Variants in ATAD3C observed in about 807,000 individuals in gnomAD.
ATAD3C encodes the protein ATPase family AAA domain containing 3C.
A neutral mutation model predicts 46.3 loss-of-function variants in ATAD3C; 38 were observed. The ratio of observed to expected loss-of-function variants is 0.82; its 90% CI spans 0.63 to 1.08. The LOEUF (loss-of-function observed/expected upper bound fraction) is 1.08, where lower values mean the gene tolerates loss of function less well. Ranked by LOEUF, ATAD3C falls within the 50% of genes least tolerant of loss-of-function variation. ATAD3C has a pLI of 0.00. For missense variants in ATAD3C, 563 were observed against 572.7 expected (o/e 0.98, Z 0.17); for synonymous variants, 220 against 236.4 (o/e 0.93, Z 0.63).
chr1:1,460,506 G>A (rs567613365), intron 9 of ATAD3C, among the ~76,000 whole-genome samples: 1 of 152,146 alleles, frequency 6.6e-6, no homozygotes, highest in East Asian at 1.9e-4. Context: ...CGGTCAGCGG[G>A]GAAGTACCAC....
Position 1,468,555 on chromosome 1 carries a change from G to C in ATAD3C, c.*25G>C. 1 of 1,591,234 alleles carries C rather than the reference G, an allele frequency of 6.3e-7. No homozygotes were observed. The highest frequency in any genetic ancestry group is 8.6e-7 in the Non-Finnish European group (1 of 1,167,920). On this transcript the variant is annotated 3_prime_UTR_variant, in exon 12 of 12. Transcript: ENST00000378785. Reference sequence around the variant, plus strand: ...AGTCCATGGGGAGACCACACCTCACGGAGCCTGGCCGCGGACCCCTCCCAC... The same window carrying C: ...AGTCCATGGGGAGACCACACCTCACCGAGCCTGGCCGCGGACCCCTCCCAC...
intron 4 of ATAD3C, among the ~76,000 whole-genome samples, chr1:1,454,736 T>C (rs903008150): frequency 3.3e-5 from 5 of 151,788 alleles, no homozygotes; most frequent in African/African-American, 1.2e-4. Flanking sequence ...TGATGGGGCC[T>C]GGGAGCACAT....
rs112077123 is a variant in ATAD3C at position 1,457,104 on chromosome 1, A to T, written c.690-25A>T. 1,083 of 1,612,428 alleles carry T rather than the reference A, an allele frequency of 6.7e-4. 26 individuals are homozygous for T. The highest frequency in any genetic ancestry group is 1.2e-3 in the African/African-American group (90 of 74,946). ...GCTGCTCCTGGCATCACTCTCACCC[A>T]GCTTGGCCTCCCTCTCGTCCACAGC... On this transcript the variant is annotated intron_variant, in intron 7 of 11. Coordinates refer to ENST00000378785, the MANE Select transcript of ATAD3C (RefSeq NM_001039211.3).
At position 1,450,349 on chromosome 1, in the gene ATAD3C, T is replaced by G; in HGVS notation, c.-335T>G. 1.2e-5 allele frequency: 3 copies of G among 245,568 alleles called. No individual in the cohort carries two copies. The highest frequency in any genetic ancestry group is 1.6e-5 in the Non-Finnish European group (2 of 127,298). The allele number at this position is 245,568 out of a possible 1,614,324, so 15.2% of individuals were successfully genotyped here. ...AAAAAAAAAAAAAAAAAAGCATGTG[T>G]AACGTGAAAAAATGGACACTTTAGC... On this transcript the variant is annotated 5_prime_UTR_variant, in exon 1 of 12. The change abolishes the stop of an existing upstream ORF in the 5' untranslated region. Coordinates refer to ENST00000378785, the MANE Select transcript of ATAD3C (RefSeq NM_001039211.3).
rs1413339732 is a variant in ATAD3C, at chr1:1,457,015, G to A, written c.690-114G>A. ...CCAGGACTTAGGGCTCCGTGGGGCAGAGCCTGACCCCGTGGGGATCTGCCT... is the reference window on the plus strand; with the variant it reads ...CCAGGACTTAGGGCTCCGTGGGGCAAAGCCTGACCCCGTGGGGATCTGCCT... On this transcript the variant is annotated intron_variant, in intron 7 of 11. Coordinates refer to ENST00000378785, the MANE Select transcript of ATAD3C (RefSeq NM_001039211.3). 2.1e-6 allele frequency: 3 copies of A among 1,455,028 alleles called. No homozygotes were observed. The Admixed American group carries it at 5.1e-5, about 25-fold the overall frequency. The allele number at this position is 1,455,028 out of a possible 1,614,324, so 90.1% of individuals were successfully genotyped here.
intron 9 of ATAD3C, 38 bp from the exon 10 acceptor site, chr1:1,460,712 G>A (rs1639041899): frequency 1.9e-6 from 3 of 1,559,382 alleles, no homozygotes; most frequent in East Asian, 4.7e-5. Flanking sequence ...AGCTCGGCCG[G>A]CAGCCCCAGC....
At chr1:1,458,098 C>A (rs1337270449) in intron 8 of ATAD3C, among the ~76,000 whole-genome samples, 2 of 151,590 alleles carry the variant, frequency 1.3e-5, no homozygotes, top group Admixed American at 1.3e-4. Flanking sequence ...CCTGCCTCAG[C>A]CCCCTGAGTA....
rs957111442 is a variant in ATAD3C, at chr1:1,463,007, C to T, written c.1089+299C>T. Among the ~76,000 whole-genome samples, 3 of 152,090 alleles carry T rather than the reference C, an allele frequency of 2.0e-5. 1 individual carries two copies. The highest frequency in any genetic ancestry group is 4.4e-5 in the Non-Finnish European group (3 of 68,000). On this transcript the variant is annotated intron_variant, in intron 11 of 11. Coordinates refer to ENST00000378785, the MANE Select transcript of ATAD3C (RefSeq NM_001039211.3). ...TGGGGCGGGAGGCTTCTGATGCTCACCTTGGCAGACAGGCACCCCCCAGTG... is the reference window on the plus strand; with the variant it reads ...TGGGGCGGGAGGCTTCTGATGCTCATCTTGGCAGACAGGCACCCCCCAGTG...
At chr1:1,457,615 C>CA (rs1041273067) in intron 8 of ATAD3C, among the ~76,000 whole-genome samples, 6 of 109,116 alleles carry the variant, frequency 5.5e-5, no homozygotes, top group Admixed American at 1.1e-4. Flanking sequence ...AAAAAAAAAA[C>CA]AAAAAAAACA....
At chr1:1,458,987 C>T (rs1317617464) in intron 8 of ATAD3C, among the ~76,000 whole-genome samples, 174 bp from the exon 9 acceptor site, 1 of 151,786 alleles carries the variant, frequency 6.6e-6, no homozygotes, top group Non-Finnish European at 1.5e-5. Flanking sequence ...TCCCAAAATC[C>T]AGGTTACATT....
chr1:1,467,842 C>T lies in ATAD3C; in HGVS notation c.1090-542C>T, dbSNP rs544870027. On this transcript the variant is annotated intron_variant, in intron 11 of 11. Transcript: ENST00000378785. Reference sequence around the variant, plus strand: ...GGACCTGAGGCTGCCTGAAGCCACACCAAGGGCCACAGCCCCAGCAGCTCC... The same window carrying T: ...GGACCTGAGGCTGCCTGAAGCCACATCAAGGGCCACAGCCCCAGCAGCTCC... Among the ~76,000 whole-genome samples the T allele has an allele frequency of 1.9e-3, 289 of 152,162 alleles. 5 individuals are homozygous for T. Among genetic ancestry groups the T allele is most frequent in the Middle Eastern group, 3.4e-3 (1 of 294 alleles).
At chr1:1,455,568 A>AGCTGG in intron 5 of ATAD3C, 49 bp downstream of exon 5, 4 of 1,610,602 alleles carry the variant, frequency 2.5e-6, no homozygotes, top group Non-Finnish European at 3.4e-6. Context: ...GGGACCCCGG[A>AGCTGG]GCTGGGCTGG....
In ATAD3C at chr1:1,450,607, T is replaced by C; in HGVS notation, c.-77T>C. On this transcript the variant is annotated 5_prime_UTR_variant, in exon 1 of 12. Transcript: ENST00000378785. The stretch of plus-strand genomic sequence containing the variant: ...GTGGCCGTGGATTCCAGAAAGCCCC[T>C]TGGCTGGTGTGCGTGCCTGCCCAGC... 6.5e-7 allele frequency: 1 copy of C among 1,537,842 alleles called. No homozygotes were observed. The highest frequency in any genetic ancestry group is 8.8e-7 in the Non-Finnish European group (1 of 1,133,022).
intron 10 of ATAD3C, among the ~76,000 whole-genome samples, chr1:1,461,213 G>C (rs1162840899): frequency 6.6e-6 from 1 of 151,716 alleles, no homozygotes; most frequent in African/African-American, 2.4e-5. Context: ...TTGAGGCGAA[G>C]TCTCGCTCTT....
Position 1,460,900 on chromosome 1 carries a change from G to T in ATAD3C, c.963G>T (p.Pro321=). 6.2e-7 allele frequency: 1 copy of T among 1,609,218 alleles called. No homozygotes were observed. The highest frequency in any genetic ancestry group is 8.5e-7 in the Non-Finnish European group (1 of 1,177,442). Residue 321 remains proline, a synonymous_variant, in exon 10 of 12, where the codon CCG becomes CCT. Transcript: ENST00000378785. ...ATCTTAACGAGTATGTTCTTAAGCC[G>T]GCCACAGAAGGAAAGCGGTAAGTGT... is the stretch of plus-strand genomic sequence containing the variant. The part of the protein sequence containing the change: ...RMYLNEYVLK[P]ATEGKRRLKL...
At chr1:1,457,086 C>T in intron 7 of ATAD3C, 43 bp from the exon 8 acceptor site, 1 of 1,611,834 alleles carries the variant, frequency 6.2e-7, no homozygotes. Flanking sequence ...TGGGCTGCTC[C>T]TGGCATCACT....
At chr1:1,466,156 C>T (rs569398175) in intron 11 of ATAD3C, among the ~76,000 whole-genome samples, 6 of 150,238 alleles carry the variant, frequency 4.0e-5, no homozygotes, top group South Asian at 4.2e-4. Flanking sequence ...GCAGGAGAAT[C>T]GCATGAATGC....
intron 9 of ATAD3C, among the ~76,000 whole-genome samples, chr1:1,460,054 G>A (rs1639030099): frequency 6.6e-6 from 1 of 151,156 alleles, no homozygotes; most frequent in South Asian, 2.1e-4. Context: ...TCCTGCTCCT[G>A]GCTCGCGTGG....
chr1:1,457,035 C>T, intron 7 of ATAD3C, 94 bp from the exon 8 acceptor site: 1 of 1,557,918 alleles, frequency 6.4e-7, no homozygotes, highest in Non-Finnish European at 8.8e-7. Flanking sequence ...CCGTGGGGAT[C>T]TGCCTGCTTG....
Sources: gnomAD v4.1 joint callset for allele counts (sites outside exome capture counted in the v4.1 genomes callset) on GRCh38, gnomAD v4.1.1 for gene constraint, MANE v1.5 for transcripts, NCBI Gene and HGNC (gene_info 2026-07-23, HGNC 2026-07-21) for gene names.